The following HIP1 variants were observed in gnomAD, a reference collection of about 807,000 sequenced individuals.
HIP1 encodes the protein huntingtin interacting protein 1, also known as huntingtin-interacting protein 1.
A neutral mutation model predicts 147.6 loss-of-function variants in HIP1; 65 were observed. That is an observed-to-expected ratio of 0.44 (90% CI 0.36 to 0.54). The LOEUF (loss-of-function observed/expected upper bound fraction) is 0.54. HIP1 is among the 20% of genes least tolerant of loss of function. The pLI is 0.00. For synonymous variants in HIP1, 479 were observed against 504.0 expected (o/e 0.95, Z 0.67); for missense variants, 1,061 against 1,299.6 (o/e 0.82, Z 2.82).
chr7:75,621,114 G>A (rs1797831685), intron 1 of HIP1, among the ~76,000 whole-genome samples: 1 of 152,136 alleles, frequency 6.6e-6, no homozygotes, highest in Non-Finnish European at 1.5e-5. Flanking sequence ...GGCAGAGGTG[G>A]GAGGATGGCT....
intron 1 of HIP1, among the ~76,000 whole-genome samples, chr7:75,692,952 G>A (rs1168619121): frequency 1.3e-5 from 2 of 151,558 alleles, no homozygotes; most frequent in Middle Eastern, 3.2e-3. Context: ...ATCACTTGAG[G>A]TCAGGAGTTC....
At chr7:75,591,326 C>T (rs1439092344) in intron 4 of HIP1, among the ~76,000 whole-genome samples, 1 of 152,120 alleles carries the variant, frequency 6.6e-6, no homozygotes, top group Non-Finnish European at 1.5e-5. Context: ...AGCCACTGCG[C>T]CTGGCCAAGA....
At chr7:75,587,800 C>A (rs1796340558) in intron 4 of HIP1, among the ~76,000 whole-genome samples, 1 of 152,054 alleles carries the variant, frequency 6.6e-6, no homozygotes, top group African/African-American at 2.4e-5. Flanking sequence ...CCCATCTCTA[C>A]AAAAAATTAA....
chr7:75,554,459 C>G lies in HIP1; in HGVS notation c.2031G>C (p.Gln677His), dbSNP rs1327732451. Residue 677 changes from glutamine to histidine, a missense_variant, in exon 20 of 31, where the codon CAG (glutamine) becomes CAC (histidine). Coordinates refer to ENST00000336926, the MANE Select transcript of HIP1 (RefSeq NM_005338.7). ...CIEQLEKSWS[Q>H]YLACPEDISG... ...TCTTACCTTCTGGGCAGGCCAGATA[C>G]TGGCTCCAGCTTTTCTCCAGTTGCT... 1 of 1,613,792 alleles carries G rather than the reference C, an allele frequency of 6.2e-7. No homozygotes were observed. Among genetic ancestry groups the G allele is most frequent in the African/African-American group, 1.3e-5 (1 of 74,932 alleles).
chr7:75,657,450 A>G (rs1554512860), intron 1 of HIP1, among the ~76,000 whole-genome samples: 1 of 151,492 alleles, frequency 6.6e-6, no homozygotes, highest in Non-Finnish European at 1.5e-5. Flanking sequence ...GAATCGCTTG[A>G]ACCCGGGAGG....
intron 1 of HIP1, among the ~76,000 whole-genome samples, chr7:75,615,888 C>A (rs1269895510): frequency 6.6e-6 from 1 of 151,850 alleles, no homozygotes; most frequent in African/African-American, 2.4e-5. Context: ...GAATTTGAGA[C>A]CAGCATGGTC....
At chr7:75,678,195 C>T (rs1465658236) in intron 1 of HIP1, among the ~76,000 whole-genome samples, 3 of 152,026 alleles carry the variant, frequency 2.0e-5, no homozygotes, top group Non-Finnish European at 4.4e-5. Context: ...AATGAAGTGG[C>T]CCCTATGATG....
intron 1 of HIP1, among the ~76,000 whole-genome samples, chr7:75,676,485 A>G (rs1757099631): frequency 6.6e-6 from 1 of 152,180 alleles, no homozygotes; most frequent in South Asian, 2.1e-4. Flanking sequence ...AGCTTATAGA[A>G]GCCCCCTATG....
In HIP1 at chr7:75,588,539, T is replaced by C. The variant is rs144273177; in HGVS notation, c.385-1706A>G. On this transcript the variant is annotated intron_variant, in intron 4 of 30. Coordinates refer to ENST00000336926, the MANE Select transcript of HIP1 (RefSeq NM_005338.7). The stretch of plus-strand genomic sequence containing the variant: ...CTCCTCCTGCCTGTAATCCCAGTGC[T>C]TTGGGAGGCTGAGGTGGCAGATCGC... 9.1e-3 allele frequency among the ~76,000 whole-genome samples: 1,387 copies of C among 152,144 alleles called. 20 individuals are homozygous for C. The highest frequency in any genetic ancestry group is 0.031 in the African/African-American group (1,306 of 41,494).
At chr7:75,608,777 T>C (rs587759069) in intron 1 of HIP1, among the ~76,000 whole-genome samples, 2 of 152,252 alleles carry the variant, frequency 1.3e-5, no homozygotes, top group Admixed American at 1.3e-4. Flanking sequence ...GTGAAAAAGA[T>C]GGACAGGTTC....
At chr7:75,611,959 C>T (rs1224103861) in intron 1 of HIP1, 2 of 818,016 alleles carry the variant, frequency 2.4e-6, no homozygotes, top group Non-Finnish European at 3.0e-6. Context: ...ATGGGAAACC[C>T]TCTGGCCTTG....
chr7:75,681,036 A>T (rs1191504161), intron 1 of HIP1, among the ~76,000 whole-genome samples: 3 of 152,128 alleles, frequency 2.0e-5, no homozygotes, highest in Admixed American at 2.0e-4. Context: ...TCGGCCTCCC[A>T]AAGTGCTGGG....
intron 1 of HIP1, among the ~76,000 whole-genome samples, chr7:75,665,440 C>T (rs1373497525): frequency 1.2e-4 from 19 of 152,050 alleles, no homozygotes; most frequent in Non-Finnish European, 1.5e-5. Context: ...CACAAAAGGG[C>T]CACTGAGCAG....
intron 1 of HIP1, among the ~76,000 whole-genome samples, chr7:75,720,056 G>A (rs1441600715): frequency 2.0e-5 from 3 of 152,194 alleles, no homozygotes; most frequent in Non-Finnish European, 4.4e-5. Flanking sequence ...TGAAGCTGGT[G>A]GAAGACGATA....
chr7:75,727,615 G>A (rs1477105358), intron 1 of HIP1, among the ~76,000 whole-genome samples: 1 of 152,058 alleles, frequency 6.6e-6, no homozygotes, highest in Non-Finnish European at 1.5e-5. Flanking sequence ...GGAAGCCCAG[G>A]CGGGTGGATC....
chr7:75,571,359 C>G (rs1795627568), intron 8 of HIP1, among the ~76,000 whole-genome samples: 1 of 152,156 alleles, frequency 6.6e-6, no homozygotes, highest in South Asian at 2.1e-4. Context: ...CTGGTCCCTT[C>G]TCTTGGGGGC....
At chr7:75,617,073 ATTTT>A (rs71519374) in intron 1 of HIP1, among the ~76,000 whole-genome samples, 1 of 123,522 alleles carries the variant, frequency 8.1e-6, no homozygotes. Context: ...CACCCAGCTA[ATTTT>A]TTTTTTTTTT....
chr7:75,679,914 T>C (rs1420582750), intron 1 of HIP1, among the ~76,000 whole-genome samples: 4 of 152,162 alleles, frequency 2.6e-5, no homozygotes, highest in African/African-American at 7.2e-5. Context: ...CCTCTGCAGA[T>C]CTGACAACAG....
At chr7:75,606,135 C>T (rs1797215257) in intron 1 of HIP1, among the ~76,000 whole-genome samples, 1 of 152,108 alleles carries the variant, frequency 6.6e-6, no homozygotes, top group South Asian at 2.1e-4. Context: ...AGGTGTGAGA[C>T]ACCATGCCCA....
Sources: allele counts gnomAD v4.1 joint callset (sites outside exome capture counted in the v4.1 genomes callset), GRCh38; gene constraint gnomAD v4.1.1; transcripts MANE v1.5; gene names NCBI Gene and HGNC (gene_info 2026-07-23, HGNC 2026-07-21).